CEP41: variants seen among roughly 807,000 people sequenced by gnomAD.
The protein encoded by CEP41 is centrosomal protein 41.
A neutral mutation model predicts 44.3 loss-of-function variants in CEP41; 32 were observed. The ratio of observed to expected loss-of-function variants is 0.72; its 90% CI spans 0.54 to 0.97. The LOEUF (loss-of-function observed/expected upper bound fraction) is 0.97. Ranked by LOEUF, CEP41 falls within the 50% of genes least tolerant of loss-of-function variation. The pLI, the probability that CEP41 is intolerant of heterozygous loss-of-function variation, is 0.00. For synonymous variants in CEP41, 151 were observed against 168.5 expected (o/e 0.90, Z 0.80); for missense variants, 432 against 455.2 (o/e 0.95, Z 0.46).
intron 2 of CEP41, chr7:130,419,327 G>A: frequency 1.0e-6 from 1 of 985,438 alleles, no homozygotes; most frequent in Non-Finnish European, 1.2e-6. Context: ...TGAGATAGCA[G>A]GATGGCTGAC....
chr7:130,404,729 A>T, intron 5 of CEP41, 21 bp from the exon 6 acceptor site: 1 of 1,582,802 alleles, frequency 6.3e-7, no homozygotes, highest in South Asian at 1.1e-5. Flanking sequence ...CAAATGAAGA[A>T]ATAATTAGAT....
chr7:130,399,050 C>G lies in CEP41; in HGVS notation c.974-11G>C. ...CTTGGTTCAGTCGGCCTGAAGGGAG[C>G]AAGAAAGAAGGAACAGAGCTGCAAG... On this transcript the variant is annotated splice_polypyrimidine_tract_variant and intron_variant, in intron 10 of 10. Transcript: ENST00000223208. The G allele has an allele frequency of 6.2e-7, 1 of 1,613,518 alleles. No homozygotes were observed. The highest frequency in any genetic ancestry group is 8.5e-7 in the Non-Finnish European group (1 of 1,180,002).
intron 3 of CEP41, among the ~76,000 whole-genome samples, chr7:130,413,041 G>T (rs1797230620): frequency 6.6e-6 from 1 of 152,144 alleles, no homozygotes; most frequent in Non-Finnish European, 1.5e-5. Context: ...GCCCAGGCTG[G>T]AGTGCAGTGG....
intron 2 of CEP41, chr7:130,422,000 A>G: frequency 2.6e-6 from 4 of 1,536,056 alleles, no homozygotes; most frequent in Non-Finnish European, 3.5e-6. Context: ...TAAGATACAC[A>G]CAGGCACCTA....
chr7:130,404,552 A>G lies in CEP41; in HGVS notation c.422+12T>C. 1 of 1,610,620 alleles carries G rather than the reference A, an allele frequency of 6.2e-7. No individual in the cohort carries two copies. The highest frequency in any genetic ancestry group is 1.1e-5 in the South Asian group (1 of 91,018). On this transcript the variant is annotated intron_variant, in intron 6 of 10. Coordinates refer to ENST00000223208, the MANE Select transcript of CEP41 (RefSeq NM_018718.3). ...GCAAAATGCAGTGAAAATATGAATC[A>G]GCTTCGAGTACCTCTGAAGAGTTGA...
At chr7:130,419,523 A>G in intron 2 of CEP41, 1 of 984,900 alleles carries the variant, frequency 1.0e-6, no homozygotes, top group African/African-American at 1.7e-5. Flanking sequence ...TTATTTATAA[A>G]CATGGCTTTG....
intron 2 of CEP41, chr7:130,420,771 C>CAATA (rs544057989): frequency 3.2e-4 from 169 of 523,204 alleles, no homozygotes; most frequent in African/African-American, 8.1e-4. Flanking sequence ...GACTTCATCT[C>CAATA]AATAAATAAA....
intron 2 of CEP41, among the ~76,000 whole-genome samples, chr7:130,417,975 A>G (rs142894574): frequency 6.6e-6 from 1 of 152,356 alleles, no homozygotes; most frequent in African/African-American, 2.4e-5. Flanking sequence ...GAAGCAGAAA[A>G]AGAAAATCCT....
At chr7:130,408,034 A>C (rs1332220108) in intron 5 of CEP41, among the ~76,000 whole-genome samples, 2 of 152,216 alleles carry the variant, frequency 1.3e-5, no homozygotes, top group African/African-American at 4.8e-5. Flanking sequence ...AAGTAAGATT[A>C]AATCGTTAAC....
chr7:130,407,743 A>C (rs1293599758), intron 5 of CEP41, among the ~76,000 whole-genome samples: 1 of 152,200 alleles, frequency 6.6e-6, no homozygotes, highest in Non-Finnish European at 1.5e-5. Context: ...TACAAAATGT[A>C]GGTAAATAAT....
At chr7:130,414,875 A>C (rs960637239) in intron 3 of CEP41, among the ~76,000 whole-genome samples, 1 of 152,036 alleles carries the variant, frequency 6.6e-6, no homozygotes, top group Non-Finnish European at 1.5e-5. Context: ...TCTTCTCCCA[A>C]ACTCTGTGTT....
At position 130,398,479 on chromosome 7, in the gene CEP41, G is replaced by A. The variant is rs1796738271; in HGVS notation, c.*412C>T. 2.2e-6 allele frequency: 1 copy of A among 455,002 alleles called. No individual in the cohort carries two copies. The allele number at this position is 455,002 out of a possible 1,614,324, so 28.2% of individuals were successfully genotyped here. On this transcript the variant is annotated 3_prime_UTR_variant, in exon 11 of 11. Coordinates refer to ENST00000223208, the MANE Select transcript of CEP41 (RefSeq NM_018718.3). ...AAGCCTTCATGAAGTCAAGAACAGT[G>A]AATGAAAAGGTGGCAGGGACAGGCA...
At chr7:130,418,763 T>C (rs1226553125) in intron 2 of CEP41, among the ~76,000 whole-genome samples, 2 of 152,246 alleles carry the variant, frequency 1.3e-5, no homozygotes, top group African/African-American at 2.4e-5. Flanking sequence ...GGTAAATTTG[T>C]AGGAAATGCT....
At chr7:130,410,950 T>C (rs1584881645) in intron 5 of CEP41, 172 bp downstream of exon 5, 1 of 686,496 alleles carries the variant, frequency 1.5e-6, no homozygotes, top group South Asian at 1.7e-5. Flanking sequence ...CTTTTTAAAA[T>C]AAGAATTAAC....
At chr7:130,406,928 G>A (rs12706929) in intron 5 of CEP41, among the ~76,000 whole-genome samples, 2 of 151,188 alleles carry the variant, frequency 1.3e-5, no homozygotes, top group Admixed American at 6.6e-5. Flanking sequence ...TGTAACAAAC[G>A]TGCACATTGT....
chr7:130,432,265 T>C (rs1335536565), intron 1 of CEP41, among the ~76,000 whole-genome samples: 1 of 152,082 alleles, frequency 6.6e-6, no homozygotes, highest in Non-Finnish European at 1.5e-5. Flanking sequence ...AAGGAAGTGG[T>C]AGTAAAGATG....
intron 3 of CEP41, among the ~76,000 whole-genome samples, chr7:130,414,846 A>G (rs1308012106): frequency 6.6e-6 from 1 of 152,262 alleles, no homozygotes; most frequent in Non-Finnish European, 1.5e-5. Flanking sequence ...AGCTTTAAGA[A>G]TGGAGCTTCT....
At chr7:130,410,180 C>T (rs531228217) in intron 5 of CEP41, among the ~76,000 whole-genome samples, 6 of 152,048 alleles carry the variant, frequency 3.9e-5, no homozygotes, top group Admixed American at 2.6e-4. Flanking sequence ...TGCACACCAC[C>T]GTGCCTGGCT....
intron 1 of CEP41, among the ~76,000 whole-genome samples, chr7:130,435,667 G>T (rs545121796): frequency 3.9e-5 from 6 of 152,246 alleles, no homozygotes; most frequent in African/African-American, 1.2e-4. Context: ...AGCCTCTCTG[G>T]AAAAGTTTGG....
Sources: allele counts gnomAD v4.1 joint callset (sites outside exome capture counted in the v4.1 genomes callset), GRCh38; gene constraint gnomAD v4.1.1; transcripts MANE v1.5; gene names NCBI Gene and HGNC (gene_info 2026-07-23, HGNC 2026-07-21).